Variants in DDX50 observed in about 807,000 individuals in gnomAD.
DDX50 encodes DExD-box helicase 50.
DDX50 carries 56 observed loss-of-function variants against 94.8 expected under a neutral mutation model. That is an observed-to-expected ratio of 0.59 (90% CI 0.48 to 0.74). DDX50 has a LOEUF of 0.74. Ranked by LOEUF, DDX50 falls within the 30% of genes least tolerant of loss-of-function variation. DDX50 has a pLI of 0.00. For missense variants in DDX50, 713 were observed against 881.2 expected, an observed-to-expected ratio of 0.81 and a Z score of 2.42; for synonymous variants, 264 against 295.4, an observed-to-expected ratio of 0.89 and a Z score of 1.09.
At chr10:68,917,186 G>A (rs1368684250) in intron 7 of DDX50, among the ~76,000 whole-genome samples, 1 of 151,458 alleles carries the variant, frequency 6.6e-6, no homozygotes, top group South Asian at 2.1e-4. Context: ...TTGGCCAGGC[G>A]CAGTGGCTCA....
At chr10:68,925,003 T>G (rs76081570) in intron 8 of DDX50, among the ~76,000 whole-genome samples, 10,570 of 151,940 alleles carry the variant, frequency 0.07, 471 homozygotes, top group African/African-American at 0.12. Context: ...TTTCAAGATG[T>G]CAGACCTGAA....
intron 1 of DDX50, among the ~76,000 whole-genome samples, chr10:68,905,650 G>A (rs554009901): frequency 1.3e-5 from 2 of 152,322 alleles, no homozygotes; most frequent in Admixed American, 1.3e-4. Context: ...AGTGGCTCAC[G>A]CCTGTAATCC....
At chr10:68,942,513 C>A (rs1045193075) in intron 13 of DDX50, among the ~76,000 whole-genome samples, 2 of 152,158 alleles carry the variant, frequency 1.3e-5, no homozygotes, top group Non-Finnish European at 2.9e-5. Flanking sequence ...AAACTAGTTG[C>A]TATACTTGAG....
At position 68,935,997 on chromosome 10, in the gene DDX50, C is replaced by T. The variant is rs751500471; in HGVS notation, c.1522-9C>T. 8 of 1,582,548 alleles carry T rather than the reference C, an allele frequency of 5.1e-6. No homozygotes were observed. The highest frequency in any genetic ancestry group is 6.9e-6 in the Non-Finnish European group (8 of 1,162,758). On this transcript the variant is annotated splice_polypyrimidine_tract_variant and intron_variant, in intron 10 of 14. Transcript: ENST00000373585. ...CCATTTTTCTTTAATGTAACTCTTT[C>T]ATTTTCAGGGAATTACTTTTAAACG...
In DDX50 at chr10:68,934,336, G is replaced by T. The variant is rs1471161924; in HGVS notation, c.1377G>T (p.Leu459=). The T allele has an allele frequency of 6.2e-7, 1 of 1,613,684 alleles. No individual in the cohort carries two copies. Among genetic ancestry groups the T allele is most frequent in the African/African-American group, 1.3e-5 (1 of 75,040 alleles). ...ARGLDIPEVD[L]VIQSSPPQDV... ...GTTTGGACATTCCTGAAGTTGACCT[G>T]GTGATTCAAAGTTCTCCTCCTCAGG... Residue 459 remains leucine, a synonymous_variant, in exon 9 of 15, where the codon CTG becomes CTT. Transcript: ENST00000373585. This position sits in a 1 kb window ranked among gnomAD's most constrained non-coding sequence, Gnocchi z 4.0.
chr10:68,924,407 G>C (rs1274991793), intron 8 of DDX50, among the ~76,000 whole-genome samples: 3 of 152,196 alleles, frequency 2.0e-5, no homozygotes, highest in East Asian at 1.9e-4. Context: ...TCAGCCTCCT[G>C]AGTAACTGGG....
intron 8 of DDX50, among the ~76,000 whole-genome samples, chr10:68,921,907 T>C (rs1841950147): frequency 6.6e-6 from 1 of 152,234 alleles, no homozygotes; most frequent in Non-Finnish European, 1.5e-5. Flanking sequence ...TCTAAGTGAT[T>C]TCCTTTAAAA....
rs755095984 is a variant in DDX50 at position 68,946,522 on chromosome 10, T to G, written c.2106T>G (p.Gly702=). The part of the protein sequence containing the change: ...RSGGRSGGRS[G]RQSRQGSRSG... ...GTGGTCGATCTGGCGGCCGGTCAGGTAGACAGAGTCGACAAGGAAGTCGCT... is the reference window on the plus strand; with the variant it reads ...GTGGTCGATCTGGCGGCCGGTCAGGGAGACAGAGTCGACAAGGAAGTCGCT... The change falls in exon 15 of 15, where the codon GGT becomes GGG. Residue 702 remains glycine, a synonymous_variant. Coordinates refer to ENST00000373585, the MANE Select transcript of DDX50 (RefSeq NM_024045.2). 5 of 1,614,052 alleles carry G rather than the reference T, an allele frequency of 3.1e-6. No individual in the cohort carries two copies. In the African/African-American group the frequency reaches 6.7e-5, roughly 22 times the overall value.
chr10:68,928,451 A>G lies in DDX50; in HGVS notation c.1240-5748A>G, dbSNP rs555764008. 1.1e-3 allele frequency among the ~76,000 whole-genome samples: 163 copies of G among 152,328 alleles called. 6 individuals carry two copies. The South Asian group carries it at 0.032, about 30-fold the overall frequency. ...TTTGGGAGGCCAAGGCAGGAGGATC[A>G]CTTGAGCTCAGGAGTTTAAAACCAG... On this transcript the variant is annotated intron_variant, in intron 8 of 14. Coordinates refer to ENST00000373585, the MANE Select transcript of DDX50 (RefSeq NM_024045.2).
rs67773821 is a variant in DDX50, at chr10:68,926,774, T to TACACACAC, written c.1239+6820_1239+6827dup. Among the ~76,000 whole-genome samples, 390 of 140,416 alleles carry TACACACAC rather than the reference T, an allele frequency of 2.8e-3. 2 individuals are homozygous for TACACACAC. The highest frequency in any genetic ancestry group is 9.5e-3 in the African/African-American group (366 of 38,496). The allele number at this position is 140,416 out of a possible 152,430, so 92.1% of individuals were successfully genotyped here. ...ACAGTCTCTGTGTCTCACACAGAGA[T>TACACACAC]ACACACACACACACACACACACACA... On this transcript the variant is annotated intron_variant, in intron 8 of 14. Coordinates refer to ENST00000373585, the MANE Select transcript of DDX50 (RefSeq NM_024045.2).
chr10:68,909,782 C>T (rs1318754237), intron 2 of DDX50, among the ~76,000 whole-genome samples: 1 of 152,126 alleles, frequency 6.6e-6, no homozygotes, highest in Admixed American at 6.5e-5. Flanking sequence ...CCTGCCTCAG[C>T]CTCCCGAGTA....
intron 4 of DDX50, among the ~76,000 whole-genome samples, chr10:68,911,497 T>C (rs978633682): frequency 6.6e-6 from 1 of 152,224 alleles, no homozygotes; most frequent in Non-Finnish European, 1.5e-5. Flanking sequence ...CCGGTATATC[T>C]TATTTACAGT....
intron 6 of DDX50, 67 bp downstream of exon 6, chr10:68,913,643 ATTTAATAAT>A: frequency 6.8e-7 from 1 of 1,469,700 alleles, no homozygotes; most frequent in East Asian, 2.3e-5. Context: ...ACGAGTTTTT[ATTTAATAAT>A]TTTTATTGCA....
intron 7 of DDX50, 94 bp downstream of exon 7, chr10:68,914,298 C>T (rs1841719780): frequency 7.5e-7 from 1 of 1,340,732 alleles, no homozygotes; most frequent in Middle Eastern, 1.8e-4. Flanking sequence ...GGTACCTCTT[C>T]ATGCCTAATC....
intron 8 of DDX50, among the ~76,000 whole-genome samples, chr10:68,924,972 C>T (rs570008759): frequency 4.0e-4 from 61 of 152,186 alleles, no homozygotes; most frequent in Admixed American, 5.9e-4. Context: ...AATATGCCTT[C>T]CAGGTAGCTT....
Position 68,901,352 on chromosome 10 carries a change from A to C in DDX50, c.-33A>C, listed in dbSNP as rs374521840. On this transcript the variant is annotated 5_prime_UTR_variant, in exon 1 of 15. Transcript: ENST00000373585. The stretch of plus-strand genomic sequence containing the variant: ...TCGCTGCCCGTAGGTGGTTGTGGCC[A>C]CTGTGCCCGGAGGGAGGCGGCGGTG... 1.6e-4 allele frequency: 244 copies of C among 1,519,904 alleles called. 2 individuals are homozygous for C. The African/African-American group carries it at 3.1e-3, about 19-fold the overall frequency. 94.2% of individuals were successfully genotyped at this position (1,519,904 alleles called of 1,614,324 possible).
intron 8 of DDX50, among the ~76,000 whole-genome samples, chr10:68,929,082 T>C (rs1020939481): frequency 6.6e-5 from 10 of 151,840 alleles, no homozygotes; most frequent in African/African-American, 2.4e-4. Flanking sequence ...CCGAAGCTTG[T>C]ATTACAGGCG....
chr10:68,930,076 T>A (rs1292521472), intron 8 of DDX50, among the ~76,000 whole-genome samples: 1 of 148,800 alleles, frequency 6.7e-6, no homozygotes, highest in African/African-American at 2.5e-5. Flanking sequence ...TTCCTTCCTT[T>A]CCTTTCCCTT....
intron 12 of DDX50, among the ~76,000 whole-genome samples, chr10:68,938,616 A>G (rs1342955096): frequency 6.6e-6 from 1 of 152,218 alleles, no homozygotes; most frequent in East Asian, 1.9e-4. Context: ...GGGCAGGTTC[A>G]CTTGGATGTG....
Sources: allele counts gnomAD v4.1 joint callset (sites outside exome capture counted in the v4.1 genomes callset), GRCh38; gene constraint gnomAD v4.1.1; non-coding constraint Gnocchi (gnomAD v3.1); transcripts MANE v1.5; gene names NCBI Gene and HGNC (gene_info 2026-07-23, HGNC 2026-07-21).